Variants in SSU72 observed in about 807,000 individuals in gnomAD.
SSU72 encodes SSU72 homolog, RNA polymerase II CTD phosphatase.
In SSU72, 12 loss-of-function variants were observed where a neutral mutation model predicts 22.7. The ratio of observed to expected loss-of-function variants is 0.53; its 90% CI spans 0.34 to 0.86. The LOEUF (loss-of-function observed/expected upper bound fraction) is 0.86, where lower values mean the gene tolerates loss of function less well. Ranked by LOEUF, SSU72 falls within the 40% of genes least tolerant of loss-of-function variation. The pLI, the probability that SSU72 is intolerant of heterozygous loss-of-function variation, is 0.02. For missense variants in SSU72, 151 were observed against 249.8 expected (o/e 0.60, Z 2.67); for synonymous variants, 116 against 98.3 (o/e 1.18, Z -1.06).
intron 1 of SSU72, among the ~76,000 whole-genome samples, chr1:1,573,758 AG>A (rs1471878813): frequency 6.6e-6 from 1 of 152,218 alleles, no homozygotes; most frequent in Non-Finnish European, 1.5e-5. Flanking sequence ...GAGGTAAAAA[AG>A]CCATTTCAAC....
intron 2 of SSU72, 63 bp from the exon 3 acceptor site, chr1:1,545,065 T>A: frequency 1.3e-6 from 2 of 1,569,526 alleles, no homozygotes; most frequent in Non-Finnish European, 1.7e-6. Context: ...TGGAAGCGCC[T>A]GTGTCCTGGA....
chr1:1,562,982 C>G (rs567104946), intron 2 of SSU72: 57 of 152,592 alleles, frequency 3.7e-4, no homozygotes, highest in African/African-American at 1.3e-3. Context: ...GCGTCACAAG[C>G]ACCACACTCT....
chr1:1,565,208 C>T (rs1425920105), intron 1 of SSU72, among the ~76,000 whole-genome samples: 1 of 152,136 alleles, frequency 6.6e-6, no homozygotes, highest in Non-Finnish European at 1.5e-5. Context: ...CCCGTCTCTA[C>T]TAAAAATACA....
intron 1 of SSU72, among the ~76,000 whole-genome samples, chr1:1,567,850 T>C (rs1570399462): frequency 6.9e-6 from 1 of 144,006 alleles, no homozygotes; most frequent in South Asian, 2.2e-4. Context: ...GAAGCGGAGG[T>C]TGCAGTGAGC....
intron 2 of SSU72, among the ~76,000 whole-genome samples, chr1:1,559,746 GAGAC>G (rs1642564416): frequency 9.8e-6 from 1 of 101,798 alleles, no homozygotes. Context: ...TTTATTTTTG[GAGAC>G]AGTTTCATTC....
intron 2 of SSU72, chr1:1,562,363 G>GT (rs1469938998): frequency 1.2e-4 from 18 of 152,288 alleles, no homozygotes; most frequent in African/African-American, 4.1e-4. Flanking sequence ...ATGGCACAGA[G>GT]TTTAATGTGA....
chr1:1,566,120 C>G (rs1031260844), intron 1 of SSU72, among the ~76,000 whole-genome samples: 1 of 151,536 alleles, frequency 6.6e-6, no homozygotes, highest in African/African-American at 2.4e-5. Flanking sequence ...AAAAAATTAG[C>G]TGGGCATGGT....
At chr1:1,567,661 C>T (rs941284865) in intron 1 of SSU72, among the ~76,000 whole-genome samples, 1 of 152,018 alleles carries the variant, frequency 6.6e-6, no homozygotes, top group African/African-American at 2.4e-5. Flanking sequence ...AAATATGTTC[C>T]GTCAAAGCAC....
At chr1:1,546,663 C>G (rs1322912427) in intron 2 of SSU72, among the ~76,000 whole-genome samples, 2 of 151,826 alleles carry the variant, frequency 1.3e-5, no homozygotes, top group Non-Finnish European at 2.9e-5. Flanking sequence ...ATGGTGAAAC[C>G]CCGTCTCTAC....
chr1:1,567,270 G>A (rs898658069), intron 1 of SSU72, among the ~76,000 whole-genome samples: 1 of 152,170 alleles, frequency 6.6e-6, no homozygotes, highest in African/African-American at 2.4e-5. Flanking sequence ...TAGTGTACGT[G>A]AAACACCTGA....
At chr1:1,551,933 G>A (rs1642460768) in intron 2 of SSU72, among the ~76,000 whole-genome samples, 1 of 152,178 alleles carries the variant, frequency 6.6e-6, no homozygotes, top group East Asian at 1.9e-4. Flanking sequence ...ATGCAACAGA[G>A]CACAGCAAAG....
intron 1 of SSU72, among the ~76,000 whole-genome samples, chr1:1,571,061 C>G (rs969478813): frequency 1.3e-5 from 2 of 152,008 alleles, no homozygotes; most frequent in African/African-American, 4.8e-5. Context: ...CTGGCCAACA[C>G]GGTGAAACCC....
rs1248877738 is a variant in SSU72, at chr1:1,542,186, G to A, written c.484-19C>T. ...GCTGGATCTGCAAGGACAGGACCGT[G>A]GTGAGGGCCTTGCCCACTCCTGCCT... On this transcript the variant is annotated intron_variant, in intron 4 of 4. Transcript: ENST00000291386. The surrounding 1 kb of genome is among the most constrained non-coding windows in gnomAD (Gnocchi z 4.4). 5.7e-6 allele frequency: 9 copies of A among 1,566,220 alleles called. No homozygotes were observed. Among genetic ancestry groups the A allele is most frequent in the Non-Finnish European group, 6.9e-6 (8 of 1,155,012 alleles).
rs1321226377 is a variant in SSU72 at position 1,545,076 on chromosome 1, CA to C, written c.225-75del. On this transcript the variant is annotated intron_variant, in intron 2 of 4. Transcript: ENST00000291386. ...AGCCTGGAAGCGCCTGTGTCCTGGA[CA>C]CCCAGCCCCTTCCCTGCCCCACAGC... 2.6e-6 allele frequency: 4 copies of C among 1,542,264 alleles called. No individual in the cohort carries two copies. In the Admixed American group the frequency reaches 7.2e-5, roughly 28 times the overall value.
intron 1 of SSU72, among the ~76,000 whole-genome samples, 172 bp downstream of exon 1, chr1:1,574,306 G>A: frequency 6.6e-6 from 1 of 152,110 alleles, no homozygotes; most frequent in East Asian, 1.9e-4. Context: ...ATGCCCACCC[G>A]CGTGTGGACT....
At chr1:1,569,028 G>C (rs1642696555) in intron 1 of SSU72, among the ~76,000 whole-genome samples, 1 of 152,112 alleles carries the variant, frequency 6.6e-6, no homozygotes, top group Non-Finnish European at 1.5e-5. Flanking sequence ...AAAAAAATTA[G>C]CTGGACATGG....
At chr1:1,548,533 G>T (rs1265552069) in intron 2 of SSU72, among the ~76,000 whole-genome samples, 2 of 143,122 alleles carry the variant, frequency 1.4e-5, no homozygotes, top group Admixed American at 1.5e-4. Context: ...TGGCCTCGGT[G>T]ACAGGAGCAA....
At chr1:1,547,002 C>G (rs1202994374) in intron 2 of SSU72, among the ~76,000 whole-genome samples, 1 of 152,024 alleles carries the variant, frequency 6.6e-6, no homozygotes, top group Non-Finnish European at 1.5e-5. Flanking sequence ...TGCACTCCAG[C>G]CTGGGCAACA....
At chr1:1,565,443 C>T (rs1642648407) in intron 1 of SSU72, among the ~76,000 whole-genome samples, 1 of 152,234 alleles carries the variant, frequency 6.6e-6, no homozygotes. Flanking sequence ...TAAGGCTTTA[C>T]TTTAAACTGA....
Sources: gnomAD v4.1 joint callset for allele counts (sites outside exome capture counted in the v4.1 genomes callset) on GRCh38, gnomAD v4.1.1 for gene constraint, Gnocchi (gnomAD v3.1) non-coding constraint, MANE v1.5 for transcripts, NCBI Gene and HGNC (gene_info 2026-07-23, HGNC 2026-07-21) for gene names.